SLC6A20: variants seen among roughly 807,000 people sequenced by gnomAD.
The protein encoded by SLC6A20 is sodium- and chloride-dependent transporter XTRP3.
In SLC6A20, 73 loss-of-function variants were observed where a neutral mutation model predicts 64.3. The observed-to-expected ratio is 1.14, with a 90% CI of 0.94 to 1.38. SLC6A20 has a LOEUF of 1.38. Among genes scored for constraint, SLC6A20 ranks in the 40% most tolerant of loss-of-function variants. SLC6A20 has a pLI of 0.00. For missense variants in SLC6A20, 725 were observed against 772.8 expected (o/e 0.94, Z 0.73); for synonymous variants, 347 against 329.6 (o/e 1.05, Z -0.57).
intron 1 of SLC6A20, among the ~76,000 whole-genome samples, chr3:45,790,705 G>C (rs535295569): frequency 1.2e-3 from 181 of 152,266 alleles, no homozygotes; most frequent in African/African-American, 4.1e-3. Flanking sequence ...CCTCCATGCT[G>C]GCAATCTCTG....
At chr3:45,789,889 G>T (rs575574855) in intron 1 of SLC6A20, among the ~76,000 whole-genome samples, 4 of 152,142 alleles carry the variant, frequency 2.6e-5, no homozygotes, top group African/African-American at 7.2e-5. Context: ...TCCACACCCG[G>T]CCCTTTTACA....
intron 1 of SLC6A20, among the ~76,000 whole-genome samples, chr3:45,789,654 T>G (rs1320061280): frequency 1.3e-5 from 2 of 152,256 alleles, no homozygotes; most frequent in Non-Finnish European, 2.9e-5. Flanking sequence ...TTCTAATTTT[T>G]TACAGCAAAA....
At chr3:45,777,749 A>C (rs1378678010) in intron 3 of SLC6A20, among the ~76,000 whole-genome samples, 1 of 152,180 alleles carries the variant, frequency 6.6e-6, no homozygotes, top group Non-Finnish European at 1.5e-5. Context: ...TGAGCTGCCT[A>C]GGCTGACATC....
At chr3:45,778,269 G>A (rs369141304) in intron 3 of SLC6A20, among the ~76,000 whole-genome samples, 181 of 152,300 alleles carry the variant, frequency 1.2e-3, no homozygotes, top group African/African-American at 4.0e-3. Flanking sequence ...CCCTCTGCTC[G>A]GGTGCTCAGT....
intron 8 of SLC6A20, 87 bp from the exon 9 acceptor site, chr3:45,763,159 C>A: frequency 6.4e-7 from 1 of 1,559,076 alleles, no homozygotes; most frequent in South Asian, 1.2e-5. Context: ...GGGTCGTCGG[C>A]CCTCAGGGAA....
chr3:45,782,084 G>A lies in SLC6A20; in HGVS notation c.261C>T (p.Val87=), dbSNP rs141869919. Residue 87 remains valine (V), a splice_region_variant and synonymous_variant, in exon 2 of 11, where the codon GTC becomes GTT. Transcript: ENST00000358525. ...WRTISPYLSG[V]GVASVVVSFF... ...GAGGACTGGAGGGGCCCCACGTACC[G>A]ACACCACTGAGGTACGGGCTGATGG... is the stretch of plus-strand genomic sequence containing the variant. 2.1e-5 allele frequency: 34 copies of A among 1,604,252 alleles called. No individual in the cohort carries two copies. The highest frequency in any genetic ancestry group is 1.9e-4 in the African/African-American group (14 of 74,668).
At chr3:45,785,613 TTCTCTCTCTCTCTC>T (rs60563353) in intron 1 of SLC6A20, among the ~76,000 whole-genome samples, 5 of 141,016 alleles carry the variant, frequency 3.5e-5, no homozygotes, top group African/African-American at 8.1e-5. Context: ...AAACTCCCCT[TTCTCTCTCTCTCTC>T]TCTCTCTCTC....
In SLC6A20 at chr3:45,765,800, C is replaced by T. The variant is rs896616648; in HGVS notation, c.1099-59G>A. 5.0e-6 allele frequency: 8 copies of T among 1,585,010 alleles called. No homozygotes were observed. The Admixed American group carries it at 1.2e-4, about 23-fold the overall frequency. On this transcript the variant is annotated intron_variant, in intron 7 of 10. Transcript: ENST00000358525. The surrounding 1 kb of genome is among the most constrained non-coding windows in gnomAD (Gnocchi z 4.2). ...AGAGGGACTTATAGTCTTATTCACG[C>T]ACTCAGTACTAAGCAACATGGGGGA...
chr3:45,761,233 C>G lies in SLC6A20; in HGVS notation c.1464-1211G>C, dbSNP rs75842993. Among the ~76,000 whole-genome samples the G allele has an allele frequency of 2.2e-4, 34 of 151,734 alleles. No individual in the cohort carries two copies. In the South Asian group the frequency reaches 2.5e-3, roughly 11 times the overall value. ...CTTCACACCCCCATAACCCCCCCCC[C>G]TTTCCTGGATGGAGAAAGTTGGGAA... On this transcript the variant is annotated intron_variant, in intron 9 of 10. Transcript: ENST00000358525.
At chr3:45,787,271 G>T (rs1267295813) in intron 1 of SLC6A20, among the ~76,000 whole-genome samples, 1 of 152,086 alleles carries the variant, frequency 6.6e-6, no homozygotes, top group Non-Finnish European at 1.5e-5. Context: ...TCAGCACCTT[G>T]GTTCTTGCTG....
Position 45,759,098 on chromosome 3 carries a change from G to C in SLC6A20, c.1659C>G (p.Ala553=). The C allele has an allele frequency of 6.2e-7, 1 of 1,612,038 alleles. No homozygotes were observed. Among genetic ancestry groups the C allele is most frequent in the Non-Finnish European group, 8.5e-7 (1 of 1,179,410 alleles). Residue 553 remains alanine, a synonymous_variant, in exon 11 of 11, where the codon GCC becomes GCG. Coordinates refer to ENST00000358525, the MANE Select transcript of SLC6A20 (RefSeq NM_020208.4). ...QGQLVTKDYP[A]YALAVIGLLV... ...GCAGCCCGATGACAGCCAGTGCATAGGCCGGGTAATCTTTGGTCACGAGCT... is the reference window on the plus strand; with the variant it reads ...GCAGCCCGATGACAGCCAGTGCATACGCCGGGTAATCTTTGGTCACGAGCT...
intron 6 of SLC6A20, 112 bp downstream of exon 6, chr3:45,771,105 C>A: frequency 1.4e-6 from 2 of 1,469,814 alleles, no homozygotes; most frequent in South Asian, 1.3e-5. Flanking sequence ...CAAATGTGAG[C>A]CCTGGATTGA....
chr3:45,778,101 AG>A (rs1175010036), intron 3 of SLC6A20, among the ~76,000 whole-genome samples: 3 of 152,312 alleles, frequency 2.0e-5, no homozygotes, highest in Admixed American at 2.0e-4. Context: ...GGTGAGGACA[AG>A]GATCCCCGCA....
At chr3:45,766,703 G>A (rs912372711) in intron 7 of SLC6A20, among the ~76,000 whole-genome samples, 1 of 151,752 alleles carries the variant, frequency 6.6e-6, no homozygotes, top group Non-Finnish European at 1.5e-5. Flanking sequence ...ACAAGAGGAA[G>A]AGAGAGAGAG....
chr3:45,774,126 T>C (rs920381028), intron 4 of SLC6A20, among the ~76,000 whole-genome samples: 1 of 152,206 alleles, frequency 6.6e-6, no homozygotes, highest in African/African-American at 2.4e-5. Context: ...ACAAAGTCGA[T>C]TCCAACAGAG....
At chr3:45,763,116 C>T (rs376598390) in intron 8 of SLC6A20, 44 bp from the exon 9 acceptor site, 2 of 1,609,790 alleles carry the variant, frequency 1.2e-6, no homozygotes, top group South Asian at 1.1e-5. Context: ...GAGACCCCCC[C>T]ACTACTGCTT....
rs1699751505 is a variant in SLC6A20 at position 45,765,014 on chromosome 3, A to G, written c.1303+523T>C. ...AATCACCTGGGGTCAGGAGTTCGAG[A>G]CCAGCCTGGCCAACATGGTGAAACC... On this transcript the variant is annotated intron_variant, in intron 8 of 10. Coordinates refer to ENST00000358525, the MANE Select transcript of SLC6A20 (RefSeq NM_020208.4). The surrounding 1 kb of genome is among the most constrained non-coding windows in gnomAD (Gnocchi z 4.2). 1.3e-5 allele frequency among the ~76,000 whole-genome samples: 2 copies of G among 151,900 alleles called. No individual in the cohort carries two copies. Among genetic ancestry groups the G allele is most frequent in the South Asian group, 4.1e-4 (2 of 4,822 alleles).
chr3:45,766,305 T>G (rs1184174802), intron 7 of SLC6A20, among the ~76,000 whole-genome samples: 3 of 152,186 alleles, frequency 2.0e-5, no homozygotes, highest in Non-Finnish European at 4.4e-5. Flanking sequence ...TAATAGGTTG[T>G]GCGTACTCTC....
chr3:45,765,948 C>T lies in SLC6A20; in HGVS notation c.1099-207G>A, dbSNP rs951817064. Among the ~76,000 whole-genome samples, 4 of 152,308 alleles carry T rather than the reference C, an allele frequency of 2.6e-5. No homozygotes were observed. Among genetic ancestry groups the T allele is most frequent in the African/African-American group, 7.2e-5 (3 of 41,574 alleles). On this transcript the variant is annotated intron_variant, in intron 7 of 10. Coordinates refer to ENST00000358525, the MANE Select transcript of SLC6A20 (RefSeq NM_020208.4). This position sits in a 1 kb window ranked among gnomAD's most constrained non-coding sequence, Gnocchi z 4.2. ...GCCAGGAGCTCATATATGCAAAGCA[C>T]GTGAGAACTTGTAGCCAGCCTGCAA...
Sources: gnomAD v4.1 joint callset for allele counts (sites outside exome capture counted in the v4.1 genomes callset) on GRCh38, gnomAD v4.1.1 for gene constraint, Gnocchi (gnomAD v3.1) non-coding constraint, MANE v1.5 for transcripts, NCBI Gene and HGNC (gene_info 2026-07-23, HGNC 2026-07-21) for gene names.